The following ZNF790 variants were observed in gnomAD, a reference collection of about 807,000 sequenced individuals.
The protein encoded by ZNF790 is zinc finger protein 790.
Under a neutral mutation model 12.1 loss-of-function variants are expected in ZNF790, and 8 were observed. That is an observed-to-expected ratio of 0.66 (90% CI 0.39 to 1.19). The LOEUF (loss-of-function observed/expected upper bound fraction) is 1.19, where lower values mean the gene tolerates loss of function less well. Among genes scored for constraint, ZNF790 ranks in the 50% most tolerant of loss-of-function variants. The probability of loss-of-function intolerance (pLI) is 0.01; values close to 1 mark genes in which losing one functional copy is unlikely to be tolerated. For synonymous variants in ZNF790, 252 were observed against 244.3 expected (o/e 1.03, Z -0.29); for missense variants, 707 against 752.2 (o/e 0.94, Z 0.70).
At chr19:36,839,584 G>T (rs1041690673), upstream of ZNF790, among the ~76,000 whole-genome samples, 1 of 151,984 alleles carries the variant, frequency 6.6e-6, no homozygotes, top group Non-Finnish European at 1.5e-5. Flanking sequence ...TAGAGACAGG[G>T]TCTCGCCATG....
chr19:36,848,326 T>A (rs567961959), intron 1 of ZNF790, among the ~76,000 whole-genome samples: 1 of 152,308 alleles, frequency 6.6e-6, no homozygotes, highest in African/African-American at 2.4e-5. Context: ...TCATCACCAA[T>A]CGCTGCTGAT....
intron 4 of ZNF790, among the ~76,000 whole-genome samples, chr19:36,822,999 G>A (rs571527622): frequency 2.0e-4 from 30 of 152,086 alleles, no homozygotes; most frequent in Admixed American, 3.9e-4. Flanking sequence ...ACAGCTGCAC[G>A]CCGACATGCC....
At chr19:36,830,014 C>T (rs1048325003) in intron 1 of ZNF790, among the ~76,000 whole-genome samples, 2 of 151,926 alleles carry the variant, frequency 1.3e-5, no homozygotes, top group Non-Finnish European at 2.9e-5. Flanking sequence ...AGCTGTGTTC[C>T]GTTCTTTTCT....
chr19:36,840,445 T>C (rs552184983), upstream of ZNF790, among the ~76,000 whole-genome samples: 2 of 152,286 alleles, frequency 1.3e-5, no homozygotes, highest in South Asian at 2.1e-4. Context: ...CAGCAGTGAG[T>C]TGTGACAATA....
intron 1 of ZNF790, among the ~76,000 whole-genome samples, chr19:36,827,131 CACACACACACATATATATAT>C (rs1380164647): frequency 2.8e-5 from 2 of 72,676 alleles, no homozygotes; most frequent in South Asian, 5.2e-4. Context: ...CACACACACA[CACACACACACATATATATAT>C]ATATATATAT....
chr19:36,818,807 T>C lies in ZNF790; in HGVS notation c.1537A>G (p.Lys513Glu). The C allele has an allele frequency of 6.2e-7, 1 of 1,612,120 alleles. No individual in the cohort carries two copies. The highest frequency in any genetic ancestry group is 1.1e-5 in the South Asian group (1 of 90,942). ...AGTTGTGAACCCCAGAGAAAGGCTTTTCCACATTCTTCACATTCATATGGC... is the reference window on the plus strand; with the variant it reads ...AGTTGTGAACCCCAGAGAAAGGCTTCTCCACATTCTTCACATTCATATGGC... The part of the protein sequence containing the change: ...KRPYECEECG[K>E]AFLWGSQLTR... Residue 513 changes from lysine to glutamate, a missense_variant, in exon 5 of 5, where the codon AAA (lysine) becomes GAA (glutamate). Transcript: ENST00000356725.
intron 1 of ZNF790, among the ~76,000 whole-genome samples, chr19:36,834,290 C>T (rs924391391): frequency 4.7e-5 from 7 of 148,810 alleles, no homozygotes; most frequent in African/African-American, 1.8e-4. Flanking sequence ...AAATGCAAAC[C>T]TTACGCTAGG....
upstream of ZNF790, among the ~76,000 whole-genome samples, chr19:36,842,483 G>A (rs78297558): frequency 6.6e-6 from 1 of 151,926 alleles, no homozygotes; most frequent in South Asian, 2.1e-4. Flanking sequence ...GACAGACAAA[G>A]GAAACATAGT....
At chr19:36,833,729 G>A (rs188378517) in intron 1 of ZNF790, among the ~76,000 whole-genome samples, 4 of 152,180 alleles carry the variant, frequency 2.6e-5, no homozygotes, top group African/African-American at 9.6e-5. Context: ...CAGGTCAACT[G>A]AATTTATATG....
chr19:36,844,374 C>G (rs1383076002), intron 1 of ZNF790, among the ~76,000 whole-genome samples: 1 of 148,266 alleles, frequency 6.7e-6, no homozygotes, highest in East Asian at 2.0e-4. Flanking sequence ...CTCCAAACAA[C>G]AAACAAACAA....
intron 1 of ZNF790, among the ~76,000 whole-genome samples, chr19:36,844,543 G>C (rs999488220): frequency 6.6e-6 from 1 of 152,006 alleles, no homozygotes; most frequent in Non-Finnish European, 1.5e-5. Flanking sequence ...ACAGCGTGGA[G>C]AAGAACCCTA....
At chr19:36,829,874 AT>A (rs1434589292) in intron 1 of ZNF790, among the ~76,000 whole-genome samples, 14 of 152,262 alleles carry the variant, frequency 9.2e-5, no homozygotes, top group Middle Eastern at 3.4e-3. Flanking sequence ...GCTGACAATT[AT>A]TTTTAAAATG....
Position 36,819,236 on chromosome 19 carries a change from C to G in ZNF790, c.1108G>C (p.Glu370Gln). 1.2e-6 allele frequency: 2 copies of G among 1,613,992 alleles called. No homozygotes were observed. Among genetic ancestry groups the G allele is most frequent in the African/African-American group, 1.3e-5 (1 of 75,038 alleles). Residue 370 changes from glutamate (E) to glutamine (Q), a missense_variant, in exon 5 of 5, where the codon GAA becomes CAA. Coordinates refer to ENST00000356725, the MANE Select transcript of ZNF790 (RefSeq NM_206894.4). ...CCACGAATAAAGGCTTTTCCACATT[C>G]CTTACACTCATGAGATTTCTCACCA... is the stretch of plus-strand genomic sequence containing the variant. ...HTGEKSHECK[E>Q]CGKAFIRGSN...
At chr19:36,845,922 C>A (rs1031997372) in intron 1 of ZNF790, among the ~76,000 whole-genome samples, 1 of 151,908 alleles carries the variant, frequency 6.6e-6, no homozygotes, top group African/African-American at 2.4e-5. Flanking sequence ...GATTCTCCTG[C>A]CTCAGCCTAC....
chr19:36,845,285 G>A (rs149560495), intron 1 of ZNF790, among the ~76,000 whole-genome samples: 4 of 151,736 alleles, frequency 2.6e-5, no homozygotes, highest in Admixed American at 6.6e-5. Context: ...GCGTGGTGGC[G>A]CACACCTGCG....
rs1437385910 is a variant in ZNF790, at chr19:36,819,952, T to C, written c.392A>G (p.Gln131Arg). ...CTTGAAGCATTCCTCTTGATTATCTTGAAGTGTTTGAAACTGAGTGTTGCC... is the reference window on the plus strand; with the variant it reads ...CTTGAAGCATTCCTCTTGATTATCTCGAAGTGTTTGAAACTGAGTGTTGCC... ...WEGNTQFQTL[Q>R]DNQEECFKQV... is the part of the protein sequence containing the mutation. Residue 131 changes from glutamine (Q) to arginine (R), a missense_variant, in exon 5 of 5, where the codon CAA becomes CGA. Gln to Arg is a conservative substitution (Grantham distance 43). Transcript: ENST00000356725. The C allele has an allele frequency of 4.3e-6, 7 of 1,614,030 alleles. No homozygotes were observed. The Admixed American group carries it at 1.2e-4, about 27-fold the overall frequency.
Position 36,820,061 on chromosome 19 carries a change from C to CA in ZNF790, c.282dup (p.Glu95Ter), listed in dbSNP as rs2071633616. The CA allele has an allele frequency of 2.5e-6, 4 of 1,610,512 alleles. No individual in the cohort carries two copies. The highest frequency in any genetic ancestry group is 2.2e-5 in the South Asian group (2 of 91,036). ...ATTTCCAATTGGGCTATTTCTCTCTCAAAAATGCCATTTTTTGGTAATAAC... is the reference window on the plus strand; with the variant it reads ...ATTTCCAATTGGGCTATTTCTCTCTCAAAAAATGCCATTTTTTGGTAATAAC... On this transcript the variant is annotated frameshift_variant, in exon 5 of 5. Coordinates refer to ENST00000356725, the MANE Select transcript of ZNF790 (RefSeq NM_206894.4). LOFTEE classifies it low-confidence loss of function (END_TRUNC).
chr19:36,823,935 G>A lies in ZNF790; in HGVS notation c.10-145C>T, dbSNP rs906467237. On this transcript the variant is annotated intron_variant, in intron 2 of 4. Transcript: ENST00000356725. ...CGAAAAACTGGAGTTGGCTGCCTGTGGTTTCAGGGGAAATGACATGGGAAT... is the reference window on the plus strand; with the variant it reads ...CGAAAAACTGGAGTTGGCTGCCTGTAGTTTCAGGGGAAATGACATGGGAAT... 1.4e-5 allele frequency: 8 copies of A among 568,178 alleles called. No individual in the cohort carries two copies. The Admixed American group carries it at 2.5e-4, about 18-fold the overall frequency. 35.2% of individuals were successfully genotyped at this position (568,178 alleles called of 1,614,324 possible). A position where few individuals can be genotyped will look rare whatever the true frequency, so the allele number is the denominator to read the frequency against.
chr19:36,835,489 G>A (rs1282265350), intron 1 of ZNF790, among the ~76,000 whole-genome samples: 1 of 152,126 alleles, frequency 6.6e-6, no homozygotes, highest in Admixed American at 6.6e-5. Flanking sequence ...GTACTTTACT[G>A]GAAGTCTTCA....
Sources: allele counts gnomAD v4.1 joint callset (sites outside exome capture counted in the v4.1 genomes callset), GRCh38; gene constraint gnomAD v4.1.1; transcripts MANE v1.5; gene names NCBI Gene and HGNC (gene_info 2026-07-23, HGNC 2026-07-21).